ATP11A: variants seen among roughly 807,000 people sequenced by gnomAD.
The protein encoded by ATP11A is phospholipid-transporting ATPase IH.
A neutral mutation model predicts 154.4 loss-of-function variants in ATP11A; 81 were observed. The ratio of observed to expected loss-of-function variants is 0.52; its 90% CI spans 0.44 to 0.63. ATP11A has a LOEUF of 0.63. Ranked by LOEUF, ATP11A falls within the 30% of genes least tolerant of loss-of-function variation. The pLI is 0.00. For synonymous variants in ATP11A, 623 were observed against 585.9 expected, an observed-to-expected ratio of 1.06 and a Z score of -0.91; for missense variants, 1,316 against 1,474.3, an observed-to-expected ratio of 0.89 and a Z score of 1.76.
chr13:112,697,186 C>T lies in ATP11A; in HGVS notation c.39+6731C>T, dbSNP rs573444571. Among the ~76,000 whole-genome samples, 1 of 152,186 alleles carries T rather than the reference C, an allele frequency of 6.6e-6. No individual in the cohort carries two copies. The highest frequency in any genetic ancestry group is 1.5e-5 in the Non-Finnish European group (1 of 68,028). The stretch of plus-strand genomic sequence containing the variant: ...GGCGTCCTGCGGGCTGGCCGCCCCT[C>T]GGTGGGCTCCGGTGCTGGCCTCTGC... On this transcript the variant is annotated intron_variant, in intron 1 of 29. Coordinates refer to ENST00000375645, the MANE Select transcript of ATP11A (RefSeq NM_015205.3). This position sits in a 1 kb window ranked among gnomAD's most constrained non-coding sequence, Gnocchi z 4.0.
chr13:112,741,861 G>A (rs1373901518), intron 1 of ATP11A, among the ~76,000 whole-genome samples: 1 of 152,180 alleles, frequency 6.6e-6, no homozygotes, highest in African/African-American at 2.4e-5. Flanking sequence ...TCTGCTCCCT[G>A]TGGAGGTGTA....
chr13:112,714,760 G>A (rs1888233196), intron 1 of ATP11A, among the ~76,000 whole-genome samples: 1 of 152,166 alleles, frequency 6.6e-6, no homozygotes, highest in Non-Finnish European at 1.5e-5. Context: ...GGCCACTGTG[G>A]ATCAGGCTTT....
rs750228466 is a variant in ATP11A at position 112,857,886 on chromosome 13, T to C, written c.2487T>C (p.Asp829=). 4.3e-6 allele frequency: 7 copies of C among 1,614,148 alleles called. No individual in the cohort carries two copies. The highest frequency in any genetic ancestry group is 1.3e-5 in the African/African-American group (1 of 74,950). ...TAGCAATTGGCGATGGTGCAAATGA[T>C]GTCAGCATGATTCTGGAAGCGCACG... is the stretch of plus-strand genomic sequence containing the variant. ...ITLAIGDGAN[D]VSMILEAHVG... Residue 829 remains aspartate (D), a synonymous_variant, in exon 21 of 30, where the codon GAT becomes GAC. Coordinates refer to ENST00000375645, the MANE Select transcript of ATP11A (RefSeq NM_015205.3).
chr13:112,715,523 A>C (rs1464182429), intron 1 of ATP11A, among the ~76,000 whole-genome samples: 16 of 5,240 alleles, frequency 3.1e-3, no homozygotes, highest in Admixed American at 7.1e-3. Flanking sequence ...GCCGATCCCC[A>C]CCCTTCACTT....
intron 9 of ATP11A, among the ~76,000 whole-genome samples, chr13:112,823,839 G>A (rs1372741979): frequency 2.0e-5 from 3 of 152,184 alleles, no homozygotes; most frequent in Admixed American, 6.5e-5. Context: ...GTCCTTGGGG[G>A]ACTGGTTCCA....
intron 12 of ATP11A, among the ~76,000 whole-genome samples, chr13:112,829,560 A>G (rs746350443): frequency 7.2e-5 from 11 of 152,238 alleles, no homozygotes; most frequent in Middle Eastern, 3.2e-3. Flanking sequence ...AATGTACCTC[A>G]ACACAATAAA....
chr13:112,775,039 C>T (rs1447779301), intron 1 of ATP11A, among the ~76,000 whole-genome samples: 1 of 152,244 alleles, frequency 6.6e-6, no homozygotes, highest in Non-Finnish European at 1.5e-5. Flanking sequence ...GCAGCGTGTG[C>T]CTCGGATGTG....
At chr13:112,728,688 G>A (rs914195422) in intron 1 of ATP11A, among the ~76,000 whole-genome samples, 1 of 151,498 alleles carries the variant, frequency 6.6e-6, no homozygotes, top group African/African-American at 2.4e-5. Context: ...GTGAGACTGC[G>A]GCCCGCCTCC....
intron 7 of ATP11A, among the ~76,000 whole-genome samples, chr13:112,819,652 A>G (rs1324566352): frequency 6.6e-6 from 1 of 152,254 alleles, no homozygotes; most frequent in Non-Finnish European, 1.5e-5. Flanking sequence ...GTGGGAAAAA[A>G]AAAGAATAAG....
At chr13:112,855,683 G>A (rs1175895001) in intron 19 of ATP11A, among the ~76,000 whole-genome samples, 8 of 152,190 alleles carry the variant, frequency 5.3e-5, no homozygotes, top group Admixed American at 5.2e-4. Context: ...CACAAAGAGA[G>A]TCTGCACTTG....
chr13:112,717,132 G>A (rs1301362001), intron 1 of ATP11A, among the ~76,000 whole-genome samples: 1 of 152,220 alleles, frequency 6.6e-6, no homozygotes, highest in Middle Eastern at 3.2e-3. Flanking sequence ...GAGCAGACAC[G>A]CTTCCGCCTT....
intron 1 of ATP11A, among the ~76,000 whole-genome samples, chr13:112,716,025 G>A (rs1050415951): frequency 6.6e-6 from 1 of 152,126 alleles, no homozygotes; most frequent in African/African-American, 2.4e-5. Context: ...GGCTGGCTCT[G>A]TGGGGGCCTG....
Position 112,884,233 on chromosome 13 carries a change from A to G in ATP11A, c.*2367A>G, listed in dbSNP as rs2080939778. ...CACATTTAAGGCACGATAATTTGCT[A>G]CACTTTTTCTTTACAATTTGTTGCA... On this transcript the variant is annotated 3_prime_UTR_variant, in exon 30 of 30. Transcript: ENST00000375645. 1 of 152,680 alleles carries G rather than the reference A, an allele frequency of 6.5e-6. No individual in the cohort carries two copies. The highest frequency in any genetic ancestry group is 2.4e-5 in the African/African-American group (1 of 41,462). The allele number at this position is 152,680 out of a possible 1,614,324, so 9.5% of individuals were successfully genotyped here.
chr13:112,845,488 AGTG>A (rs1333481984), intron 17 of ATP11A, among the ~76,000 whole-genome samples: 1 of 119,702 alleles, frequency 8.4e-6, no homozygotes, highest in Non-Finnish European at 1.7e-5. Context: ...GCCAGGCACT[AGTG>A]GTTCTAACCA....
intron 1 of ATP11A, among the ~76,000 whole-genome samples, chr13:112,740,221 C>T (rs1252225279): frequency 1.3e-5 from 2 of 150,868 alleles, no homozygotes; most frequent in Non-Finnish European, 2.9e-5. Flanking sequence ...GCTCTGTTGC[C>T]CAGGCTGGAG....
At chr13:112,694,092 C>T (rs1470939880) in intron 1 of ATP11A, among the ~76,000 whole-genome samples, 1 of 152,190 alleles carries the variant, frequency 6.6e-6, no homozygotes, top group East Asian at 1.9e-4. Context: ...AGCTTAGATA[C>T]TTTTCTTAGA....
At chr13:112,757,150 G>C (rs943572713) in intron 1 of ATP11A, among the ~76,000 whole-genome samples, 1 of 152,216 alleles carries the variant, frequency 6.6e-6, no homozygotes, top group East Asian at 1.9e-4. Context: ...ATGCAAGCTC[G>C]TGGATTTAGG....
chr13:112,831,248 C>G (rs2079075930), intron 12 of ATP11A, 127 bp from the exon 13 acceptor site: 3 of 1,056,086 alleles, frequency 2.8e-6, no homozygotes, highest in Non-Finnish European at 4.1e-6. Context: ...GGGGGAAAGC[C>G]TTTAGAAATC....
At chr13:112,849,140 G>C (rs1208798266) in intron 17 of ATP11A, among the ~76,000 whole-genome samples, 1 of 152,054 alleles carries the variant, frequency 6.6e-6, no homozygotes, top group Admixed American at 6.6e-5. Context: ...GTCATGTATT[G>C]CATTGACTTT....
Sources: gnomAD v4.1 joint callset for allele counts (sites outside exome capture counted in the v4.1 genomes callset) on GRCh38, gnomAD v4.1.1 for gene constraint, Gnocchi (gnomAD v3.1) non-coding constraint, MANE v1.5 for transcripts, NCBI Gene and HGNC (gene_info 2026-07-23, HGNC 2026-07-21) for gene names.